SPRED1: variants seen among roughly 807,000 people sequenced by gnomAD.
The protein encoded by SPRED1 is sprouty-related, EVH1 domain-containing protein 1.
Under a neutral mutation model 52.3 loss-of-function variants are expected in SPRED1, and 18 were observed. That is an observed-to-expected ratio of 0.34 (90% confidence interval 0.24 to 0.51). SPRED1 has a LOEUF of 0.51. Ranked by LOEUF, SPRED1 falls within the 20% of genes least tolerant of loss-of-function variation. The pLI, the probability that SPRED1 is intolerant of heterozygous loss-of-function variation, is 0.97. For missense variants in SPRED1, 485 were observed against 551.0 expected, an observed-to-expected ratio of 0.88 and a Z score of 1.20; for synonymous variants, 155 against 179.7, an observed-to-expected ratio of 0.86 and a Z score of 1.10.
At chr15:38,278,481 T>C (rs1401351140) in intron 1 of SPRED1, among the ~76,000 whole-genome samples, 3 of 152,130 alleles carry the variant, frequency 2.0e-5, no homozygotes, top group Admixed American at 2.0e-4. Flanking sequence ...AGACCCTGTC[T>C]CCTCCTCCAA....
intron 1 of SPRED1, among the ~76,000 whole-genome samples, chr15:38,276,844 A>G (rs1476083196): frequency 1.3e-5 from 2 of 152,198 alleles, no homozygotes. Context: ...TTTATCCTAA[A>G]GAAGTCTTAT....
chr15:38,334,739 AGATATTTTGATTCTTGTTTTCTTT>A (rs1895875353), intron 4 of SPRED1, among the ~76,000 whole-genome samples: 4 of 151,940 alleles, frequency 2.6e-5, no homozygotes, highest in African/African-American at 4.8e-5. Flanking sequence ...TAGAGCCATA[AGATATTTTGATTCTTGTTTTCTTT>A]GATATTTTGA....
In SPRED1 at chr15:38,275,451, A is replaced by G. The variant is rs764877575; in HGVS notation, c.32+22234A>G. 3.5e-4 allele frequency among the ~76,000 whole-genome samples: 53 copies of G among 152,220 alleles called. 1 individual carries two copies. The highest frequency in any genetic ancestry group is 7.5e-4 in the Non-Finnish European group (51 of 68,008). On this transcript the variant is annotated intron_variant, in intron 1 of 6. Coordinates refer to ENST00000299084, the MANE Select transcript of SPRED1 (RefSeq NM_152594.3). Reference sequence around the variant, plus strand: ...GAGAATTGTATTTAGAAACTACTCTATGGGTGCTAGATGTGCTAATTGGCT... The same window carrying G: ...GAGAATTGTATTTAGAAACTACTCTGTGGGTGCTAGATGTGCTAATTGGCT...
chr15:38,294,343 G>A (rs968432410), intron 1 of SPRED1, among the ~76,000 whole-genome samples: 1 of 152,064 alleles, frequency 6.6e-6, no homozygotes, highest in Non-Finnish European at 1.5e-5. Flanking sequence ...TTTGGTGGTT[G>A]GTGGGGCGGA....
intron 5 of SPRED1, among the ~76,000 whole-genome samples, chr15:38,340,773 A>G (rs961790984): frequency 1.3e-5 from 2 of 151,200 alleles, no homozygotes; most frequent in Non-Finnish European, 3.0e-5. Context: ...TGACCTATCC[A>G]CCCGCCTCAG....
chr15:38,351,378 GAAA>G lies in SPRED1; in HGVS notation c.1051_1053del (p.Lys351del). The G allele has an allele frequency of 6.2e-7, 1 of 1,614,078 alleles. No homozygotes were observed. Among genetic ancestry groups the G allele is most frequent in the Non-Finnish European group, 8.5e-7 (1 of 1,179,992 alleles). ...TTTAATCATGAAGAAAATGTTAGGG[GAAA>G]ATGTCAGGATGCTCCAGACCCTATT... On this transcript the variant is annotated inframe_deletion, in exon 7 of 7. Transcript: ENST00000299084.
Position 38,338,076 on chromosome 15 carries a change from G to T in SPRED1, c.424-1661G>T, listed in dbSNP as rs534606857. 2.0e-5 allele frequency among the ~76,000 whole-genome samples: 3 copies of T among 150,246 alleles called. No individual in the cohort carries two copies. In the South Asian group the frequency reaches 6.3e-4, roughly 32 times the overall value. On this transcript the variant is annotated intron_variant, in intron 4 of 6. Transcript: ENST00000299084. ...AAAAAAAAAAAAATAGCTGGGCGTG[G>T]CGGCGGGCTCCTGTAATCTCAGCTA...
rs548149670 is a variant in SPRED1 at position 38,282,502 on chromosome 15, G to A, written c.33-16871G>A. 1.8e-4 allele frequency among the ~76,000 whole-genome samples: 27 copies of A among 147,650 alleles called. No individual in the cohort carries two copies. The South Asian group carries it at 5.1e-3, about 28-fold the overall frequency. ...GGCCTGGGCAACAGAGCGAGACCCC[G>A]TCTCAAAAAAAAAAAAAAATTCTTA... On this transcript the variant is annotated intron_variant, in intron 1 of 6. Transcript: ENST00000299084.
intron 3 of SPRED1, among the ~76,000 whole-genome samples, chr15:38,323,024 C>G (rs967589344): frequency 3.3e-5 from 5 of 151,996 alleles, no homozygotes; most frequent in African/African-American, 1.2e-4. Context: ...CACATTAAAA[C>G]CCATTTCTTC....
chr15:38,341,118 T>G (rs1449561414), intron 5 of SPRED1, among the ~76,000 whole-genome samples: 1 of 151,826 alleles, frequency 6.6e-6, no homozygotes, highest in Non-Finnish European at 1.5e-5. Flanking sequence ...TTACAGTAAC[T>G]TTGTCTGTTT....
intron 1 of SPRED1, among the ~76,000 whole-genome samples, chr15:38,256,213 A>G (rs1894092955): frequency 6.6e-6 from 1 of 152,114 alleles, no homozygotes; most frequent in South Asian, 2.1e-4. Flanking sequence ...TAGTAAACAT[A>G]CTCTAGAGCA....
At chr15:38,338,774 A>AT (rs766031051) in intron 4 of SPRED1, among the ~76,000 whole-genome samples, 40 of 151,100 alleles carry the variant, frequency 2.6e-4, no homozygotes, top group African/African-American at 5.8e-4. Context: ...AGACAAGGCT[A>AT]TTTTTTTTTC....
chr15:38,322,779 T>G (rs1241103198), intron 3 of SPRED1, among the ~76,000 whole-genome samples: 7 of 152,152 alleles, frequency 4.6e-5, no homozygotes, highest in African/African-American at 1.4e-4. Context: ...ATCCTTTTTT[T>G]GGGTAATTAT....
At chr15:38,315,246 C>G (rs530928615) in intron 2 of SPRED1, among the ~76,000 whole-genome samples, 1 of 151,762 alleles carries the variant, frequency 6.6e-6, no homozygotes, top group Non-Finnish European at 1.5e-5. Context: ...CAGAAAGTTA[C>G]TAGTAAAAAT....
intron 4 of SPRED1, among the ~76,000 whole-genome samples, chr15:38,329,321 A>G (rs934728950): frequency 1.3e-5 from 2 of 152,182 alleles, no homozygotes; most frequent in Non-Finnish European, 2.9e-5. Context: ...GAAGTAAGTA[A>G]TGTCATTTCT....
intron 2 of SPRED1, among the ~76,000 whole-genome samples, chr15:38,320,637 A>G (rs1895582302): frequency 6.6e-6 from 1 of 152,166 alleles, no homozygotes; most frequent in Non-Finnish European, 1.5e-5. Flanking sequence ...AGTGGAGGTA[A>G]TGAAAATACA....
intron 4 of SPRED1, among the ~76,000 whole-genome samples, chr15:38,335,998 T>TA (rs1317999087): frequency 5.3e-5 from 8 of 152,148 alleles, no homozygotes; most frequent in African/African-American, 1.7e-4. Context: ...AAATTAATCA[T>TA]ACCACCAAGG....
chr15:38,331,168 T>C (rs1057361602), intron 4 of SPRED1, among the ~76,000 whole-genome samples: 2 of 119,176 alleles, frequency 1.7e-5, no homozygotes, highest in Non-Finnish European at 3.8e-5. Context: ...AAATTTTCAT[T>C]GTGCATTAAC....
At chr15:38,265,868 A>G (rs1482460077) in intron 1 of SPRED1, among the ~76,000 whole-genome samples, 2 of 152,156 alleles carry the variant, frequency 1.3e-5, no homozygotes, top group African/African-American at 4.8e-5. Flanking sequence ...GCTTAGGGGA[A>G]TTATTAAGTT....
Sources: gnomAD v4.1 joint callset for allele counts (sites outside exome capture counted in the v4.1 genomes callset) on GRCh38, gnomAD v4.1.1 for gene constraint, MANE v1.5 for transcripts, NCBI Gene and HGNC (gene_info 2026-07-23, HGNC 2026-07-21) for gene names.